Variants in MLLT10 observed in about 807,000 individuals in gnomAD.
The protein encoded by MLLT10 is MLLT10 histone lysine methyltransferase DOT1L cofactor.
In MLLT10, 30 loss-of-function variants were observed where a neutral mutation model predicts 129.1. The ratio of observed to expected loss-of-function variants is 0.23; its 90% CI spans 0.17 to 0.32. The LOEUF (loss-of-function observed/expected upper bound fraction) is 0.32. Ranked by LOEUF, MLLT10 falls within the 10% of genes least tolerant of loss-of-function variation. MLLT10 has a pLI of 1.00. For synonymous variants in MLLT10, 490 were observed against 446.4 expected (o/e 1.10, Z -1.23); for missense variants, 1,119 against 1,268.3 (o/e 0.88, Z 1.79).
intron 4 of MLLT10, among the ~76,000 whole-genome samples, chr10:21,588,086 T>G (rs2042165097): frequency 6.6e-6 from 1 of 152,226 alleles, no homozygotes. Flanking sequence ...ATTTTCTTTT[T>G]TTTGAAGCTT....
intron 5 of MLLT10, among the ~76,000 whole-genome samples, chr10:21,603,175 C>T (rs1361932643): frequency 6.6e-6 from 1 of 151,798 alleles, no homozygotes; most frequent in Admixed American, 6.6e-5. Flanking sequence ...GTCTCAGCCT[C>T]CCGAGTAGCT....
intron 5 of MLLT10, among the ~76,000 whole-genome samples, chr10:21,608,741 CTCT>C (rs2044307662): frequency 6.6e-6 from 1 of 151,948 alleles, no homozygotes; most frequent in Non-Finnish European, 1.5e-5. Flanking sequence ...CTCTATTGAT[CTCT>C]TCTTAAGTTT....
chr10:21,643,097 A>G (rs764940785), intron 8 of MLLT10, among the ~76,000 whole-genome samples: 8 of 152,012 alleles, frequency 5.3e-5, no homozygotes, highest in East Asian at 1.9e-4. Context: ...CAGTGGTGCA[A>G]TCTCGGCTCA....
intron 3 of MLLT10, chr10:21,541,394 A>T (rs1235252382): frequency 6.6e-6 from 1 of 151,168 alleles, no homozygotes; most frequent in Non-Finnish European, 1.5e-5. Context: ...CTAATTTTTT[A>T]ATTTTATTTT....
At chr10:21,540,804 T>G (rs1423780644) in intron 3 of MLLT10, among the ~76,000 whole-genome samples, 1 of 152,206 alleles carries the variant, frequency 6.6e-6, no homozygotes, top group African/African-American at 2.4e-5. Context: ...CATTTTAGCT[T>G]CTTTACCTAG....
chr10:21,588,118 G>GT (rs1274251212), intron 4 of MLLT10, among the ~76,000 whole-genome samples: 1 of 152,060 alleles, frequency 6.6e-6, no homozygotes, highest in Non-Finnish European at 1.5e-5. Context: ...CCAGGCTGGA[G>GT]TGCAGTGGTG....
At chr10:21,741,576 T>G (rs1237948819) in intron 22 of MLLT10, among the ~76,000 whole-genome samples, 1 of 152,138 alleles carries the variant, frequency 6.6e-6, no homozygotes, top group Non-Finnish European at 1.5e-5. Flanking sequence ...CAAGGACAAA[T>G]AGCAAATGTG....
At chr10:21,568,181 T>G (rs2039810509) in intron 3 of MLLT10, among the ~76,000 whole-genome samples, 1 of 152,162 alleles carries the variant, frequency 6.6e-6, no homozygotes, top group African/African-American at 2.4e-5. Flanking sequence ...ACTTCTTCCA[T>G]TCCAGGAGTA....
chr10:21,611,483 T>C (rs1387155986), intron 5 of MLLT10, among the ~76,000 whole-genome samples: 1 of 152,216 alleles, frequency 6.6e-6, no homozygotes, highest in African/African-American at 2.4e-5. Context: ...TTTATTACTA[T>C]TTAGAAATTA....
chr10:21,582,312 G>T (rs926526517), intron 3 of MLLT10, among the ~76,000 whole-genome samples: 21 of 151,922 alleles, frequency 1.4e-4, no homozygotes, highest in African/African-American at 5.1e-4. Context: ...TAGAGATAGG[G>T]TTTCACCATG....
chr10:21,554,043 GTGCT>G, intron 3 of MLLT10, among the ~76,000 whole-genome samples: 1 of 152,288 alleles, frequency 6.6e-6, no homozygotes, highest in East Asian at 1.9e-4. Context: ...TCACGATGGT[GTGCT>G]TGCTTATACT....
intron 14 of MLLT10, among the ~76,000 whole-genome samples, chr10:21,723,175 T>C (rs1392937369): frequency 6.6e-6 from 1 of 152,214 alleles, no homozygotes; most frequent in African/African-American, 2.4e-5. Flanking sequence ...CTTTTTTTGA[T>C]GATCATCATT....
intron 11 of MLLT10, among the ~76,000 whole-genome samples, chr10:21,675,658 A>G (rs1251528173): frequency 6.6e-6 from 1 of 152,214 alleles, no homozygotes; most frequent in East Asian, 1.9e-4. Flanking sequence ...TAGTCAAAAA[A>G]TTGAATTTCT....
At chr10:21,670,790 A>G in intron 10 of MLLT10, 86 bp downstream of exon 10, 1 of 1,379,004 alleles carries the variant, frequency 7.3e-7, no homozygotes, top group Non-Finnish European at 9.8e-7. Context: ...TTGTTTTTGA[A>G]CTTATAACTA....
rs765117709 is a variant in MLLT10, at chr10:21,734,033, A to G, written c.2762A>G (p.Gln921Arg). ...GTAGGAGCTTTAAATGGGGTTATGC[A>G]GACTCCTGTCACAATGTCCCAGAAC... Reference protein sequence around the residue: ...GIVGALNGVMQTPVTMSQNPT... With the variant: ...GIVGALNGVMRTPVTMSQNPT... Residue 921 changes from glutamine (Q) to arginine (R), a missense_variant, in exon 20 of 23, where the codon CAG (glutamine) becomes CGG (arginine). Gln to Arg is a conservative substitution (Grantham distance 43). Coordinates refer to ENST00000307729, the MANE Select transcript of MLLT10 (RefSeq NM_001195626.3). 2.5e-6 allele frequency: 4 copies of G among 1,614,080 alleles called. No homozygotes were observed. The highest frequency in any genetic ancestry group is 2.2e-5 in the East Asian group (1 of 44,900).
rs1299830070 is a variant in MLLT10 at position 21,742,128 on chromosome 10, T to TGTAA, written c.*147_*150dup. 1.7e-5 allele frequency: 12 copies of TGTAA among 693,702 alleles called. No individual in the cohort carries two copies. The highest frequency in any genetic ancestry group is 2.4e-5 in the Non-Finnish European group (10 of 420,508). 43.0% of individuals were successfully genotyped at this position (693,702 alleles called of 1,614,324 possible). A position where few individuals can be genotyped will look rare whatever the true frequency, so the allele number is the denominator to read the frequency against. On this transcript the variant is annotated 3_prime_UTR_variant, in exon 23 of 23. Coordinates refer to ENST00000307729, the MANE Select transcript of MLLT10 (RefSeq NM_001195626.3). ...GGATTAATTGCTGCAAGGACATTCT[T>TGTAA]GTAAGGCTTTGATTAGTTTTCTTGT...
intron 5 of MLLT10, among the ~76,000 whole-genome samples, chr10:21,602,616 T>C (rs2131157955): frequency 6.6e-6 from 1 of 152,348 alleles, no homozygotes; most frequent in Middle Eastern, 3.4e-3. Flanking sequence ...TAAGTAACTG[T>C]GATGATTAAT....
chr10:21,550,483 C>G (rs943337175), intron 3 of MLLT10, among the ~76,000 whole-genome samples: 5 of 152,156 alleles, frequency 3.3e-5, no homozygotes, highest in Admixed American at 1.3e-4. Flanking sequence ...GGTATTGTTT[C>G]TGATAGCTTC....
intron 3 of MLLT10, among the ~76,000 whole-genome samples, chr10:21,556,416 A>G (rs1320530550): frequency 1.3e-5 from 2 of 152,182 alleles, no homozygotes; most frequent in Admixed American, 6.5e-5. Flanking sequence ...GGGGTTGACA[A>G]ACCTGGTTAC....
Sources: gnomAD v4.1 joint callset for allele counts (sites outside exome capture counted in the v4.1 genomes callset) on GRCh38, gnomAD v4.1.1 for gene constraint, MANE v1.5 for transcripts, NCBI Gene and HGNC (gene_info 2026-07-23, HGNC 2026-07-21) for gene names.